The following TMEM178A variants were observed in gnomAD, a reference collection of about 807,000 sequenced individuals.
TMEM178A encodes transmembrane protein 178A.
In TMEM178A, 12 loss-of-function variants were observed where a neutral mutation model predicts 29.1. The ratio of observed to expected loss-of-function variants is 0.41; its 90% CI spans 0.26 to 0.67. TMEM178A has a LOEUF of 0.67. Among genes scored for constraint, TMEM178A ranks in the 30% least tolerant of loss-of-function variants. TMEM178A has a pLI of 0.29. For synonymous variants in TMEM178A, 210 were observed against 187.2 expected (o/e 1.12, Z -0.99); for missense variants, 366 against 419.1 (o/e 0.87, Z 1.11).
At chr2:39,681,442 T>C (rs1296303317) in intron 1 of TMEM178A, among the ~76,000 whole-genome samples, 1 of 152,098 alleles carries the variant, frequency 6.6e-6, no homozygotes, top group Non-Finnish European at 1.5e-5. Context: ...ACTTAAAAGA[T>C]TAAGAGGAGA....
chr2:39,701,080 AAG>A (rs1447787426), intron 1 of TMEM178A, among the ~76,000 whole-genome samples: 1 of 152,144 alleles, frequency 6.6e-6, no homozygotes, highest in Non-Finnish European at 1.5e-5. Context: ...AGGAGAAAAA[AAG>A]AGTTGCAAAC....
At chr2:39,728,985 G>A in the TMEM178A span, among the ~76,000 whole-genome samples, 1 of 152,160 alleles carries the variant, frequency 6.6e-6, no homozygotes, top group Non-Finnish European at 1.5e-5. Flanking sequence ...GATGTGCAGA[G>A]CCTGCAGGGC....
At chr2:39,681,127 C>T (rs1670853108) in intron 1 of TMEM178A, among the ~76,000 whole-genome samples, 1 of 152,152 alleles carries the variant, frequency 6.6e-6, no homozygotes, top group Non-Finnish European at 1.5e-5. Flanking sequence ...CCAATTTCCT[C>T]GTTTATACTG....
chr2:39,719,242 C>T (rs1472763648), downstream of TMEM178A, among the ~76,000 whole-genome samples: 3 of 152,186 alleles, frequency 2.0e-5, no homozygotes, highest in Non-Finnish European at 4.4e-5. Context: ...TTAAAGATCC[C>T]CATAGAAGAT....
chr2:39,672,923 A>G (rs188648127), intron 1 of TMEM178A, among the ~76,000 whole-genome samples: 2 of 152,270 alleles, frequency 1.3e-5, no homozygotes, highest in South Asian at 2.1e-4. Flanking sequence ...GAAAATGTCA[A>G]TGCTAAGTGT....
the TMEM178A span, among the ~76,000 whole-genome samples, chr2:39,728,907 A>C: frequency 2.0e-5 from 3 of 152,190 alleles, no homozygotes; most frequent in African/African-American, 7.2e-5. Context: ...ATACTGATAA[A>C]ATAGACAACT....
chr2:39,696,917 C>G (rs2148088498), intron 1 of TMEM178A, among the ~76,000 whole-genome samples: 1 of 152,314 alleles, frequency 6.6e-6, no homozygotes, highest in East Asian at 1.9e-4. Flanking sequence ...TTGTTCTTTT[C>G]AATCCTCTGC....
At chr2:39,692,807 T>G (rs1361828564) in intron 1 of TMEM178A, among the ~76,000 whole-genome samples, 1 of 152,214 alleles carries the variant, frequency 6.6e-6, no homozygotes, top group African/African-American at 2.4e-5. Flanking sequence ...AGTAGTCAAG[T>G]TGATTGCTCT....
intron 1 of TMEM178A, among the ~76,000 whole-genome samples, chr2:39,699,604 G>T (rs1424707142): frequency 4.6e-5 from 7 of 151,848 alleles, no homozygotes; most frequent in South Asian, 2.1e-4. Flanking sequence ...CTACAGGTGC[G>T]TGCCATCATG....
At chr2:39,706,799 A>G (rs1672055263) in intron 2 of TMEM178A, among the ~76,000 whole-genome samples, 1 of 152,178 alleles carries the variant, frequency 6.6e-6, no homozygotes, top group Non-Finnish European at 1.5e-5. Context: ...CCTCTAGTCT[A>G]TTCTCCACTT....
At chr2:39,712,043 G>GTGTGTGTGTGTGTA (rs1672330965) in intron 3 of TMEM178A, among the ~76,000 whole-genome samples, 1 of 135,916 alleles carries the variant, frequency 7.4e-6, no homozygotes, top group South Asian at 2.1e-4. Context: ...ATTGCATTTT[G>GTGTGTGTGTGTGTA]TGTGTGTGTG....
chr2:39,670,620 C>T lies in TMEM178A; in HGVS notation c.400+4246C>T, dbSNP rs566267582. ...CCCAAGTGCAGTATATATGTTTCAA[C>T]TACTGGATGAATAGGAAGACAGGAC... On this transcript the variant is annotated intron_variant, in intron 1 of 3. Transcript: ENST00000281961. 2.0e-5 allele frequency among the ~76,000 whole-genome samples: 3 copies of T among 152,304 alleles called. No individual in the cohort carries two copies. The South Asian group carries it at 6.2e-4, about 32-fold the overall frequency.
intron 1 of TMEM178A, among the ~76,000 whole-genome samples, chr2:39,687,931 G>T (rs554026278): frequency 1.3e-5 from 2 of 152,326 alleles, no homozygotes; most frequent in South Asian, 2.1e-4. Context: ...TATGTCACTT[G>T]TTAGCTGTGG....
chr2:39,709,675 T>C (rs1672218106), intron 3 of TMEM178A, among the ~76,000 whole-genome samples: 1 of 152,186 alleles, frequency 6.6e-6, no homozygotes, highest in Non-Finnish European at 1.5e-5. Context: ...TCTCCCTTTA[T>C]TTAAGCCCCC....
intron 1 of TMEM178A, among the ~76,000 whole-genome samples, chr2:39,684,152 G>A (rs1460301339): frequency 6.6e-6 from 1 of 152,040 alleles, no homozygotes; most frequent in Admixed American, 6.6e-5. Flanking sequence ...TTTCTCCTCT[G>A]TGAACATAGA....
intron 3 of TMEM178A, among the ~76,000 whole-genome samples, chr2:39,716,764 A>G (rs1672558139): frequency 6.6e-6 from 1 of 152,194 alleles, no homozygotes; most frequent in Admixed American, 6.5e-5. Flanking sequence ...TGAATAATTC[A>G]GGTTATCAGA....
chr2:39,721,854 G>C (rs1036427150), downstream of TMEM178A, among the ~76,000 whole-genome samples: 3 of 151,858 alleles, frequency 2.0e-5, no homozygotes, highest in Non-Finnish European at 4.4e-5. Context: ...AGCCAAGTGT[G>C]GTGGTACATG....
intron 1 of TMEM178A, among the ~76,000 whole-genome samples, chr2:39,669,978 C>T (rs1014521969): frequency 3.9e-5 from 6 of 152,204 alleles, no homozygotes; most frequent in South Asian, 2.1e-4. Context: ...GGTCAGTTGA[C>T]TCTAAATTAG....
intron 1 of TMEM178A, among the ~76,000 whole-genome samples, chr2:39,680,466 G>A (rs1187615028): frequency 6.6e-6 from 1 of 152,144 alleles, no homozygotes; most frequent in Non-Finnish European, 1.5e-5. Context: ...GGAGAAATTG[G>A]AACTTTTCTA....
Sources: gnomAD v4.1 joint callset for allele counts (sites outside exome capture counted in the v4.1 genomes callset) on GRCh38, gnomAD v4.1.1 for gene constraint, MANE v1.5 for transcripts, NCBI Gene and HGNC (gene_info 2026-07-23, HGNC 2026-07-21) for gene names.